Variants in HK2 observed in about 807,000 individuals in gnomAD.
HK2 encodes hexokinase 2.
In HK2, 42 loss-of-function variants were observed where a neutral mutation model predicts 92.9. That is an observed-to-expected ratio of 0.45 (90% CI 0.35 to 0.58). HK2 has a LOEUF of 0.58. HK2 is among the 20% of genes least tolerant of loss of function. The pLI is 0.00. For missense variants in HK2, 978 were observed against 1,245.1 expected (o/e 0.79, Z 3.23); for synonymous variants, 422 against 468.0 (o/e 0.90, Z 1.27).
intron 8 of HK2, 51 bp downstream of exon 8, chr2:74,877,372 C>T (rs767656546): frequency 3.6e-5 from 58 of 1,604,234 alleles, no homozygotes; most frequent in East Asian, 1.1e-4. Flanking sequence ...CACGAGTTGA[C>T]GGGTAGTTGG....
At chr2:74,839,164 A>G (rs141845531) in intron 1 of HK2, among the ~76,000 whole-genome samples, 320 of 152,300 alleles carry the variant, frequency 2.1e-3, no homozygotes, top group African/African-American at 7.1e-3. Flanking sequence ...AAGAACCTAC[A>G]GTGAGTGCAA....
At chr2:74,861,312 T>TG (rs1344717179) in intron 2 of HK2, among the ~76,000 whole-genome samples, 6 of 151,284 alleles carry the variant, frequency 4.0e-5, no homozygotes, top group Admixed American at 1.3e-4. Context: ...TCCCAGCTAC[T>TG]GGGGGGCTGA....
intron 4 of HK2, among the ~76,000 whole-genome samples, chr2:74,872,926 A>C (rs566046803): frequency 6.6e-6 from 1 of 152,334 alleles, no homozygotes; most frequent in East Asian, 1.9e-4. Flanking sequence ...CTAGGCCACA[A>C]ATCTGTATAG....
chr2:74,872,837 C>T (rs950463687), intron 4 of HK2, among the ~76,000 whole-genome samples: 4 of 152,152 alleles, frequency 2.6e-5, no homozygotes, highest in Non-Finnish European at 5.9e-5. Context: ...TATGTATAAA[C>T]ATCATAGAGT....
chr2:74,868,304 C>T (rs540165870), intron 3 of HK2, among the ~76,000 whole-genome samples: 3 of 152,140 alleles, frequency 2.0e-5, no homozygotes, highest in East Asian at 1.9e-4. Context: ...GAAGTTGTCA[C>T]GTGGCTCCAG....
intron 17 of HK2, among the ~76,000 whole-genome samples, chr2:74,889,679 A>G (rs527689206): frequency 6.6e-6 from 1 of 152,250 alleles, no homozygotes; most frequent in Admixed American, 6.5e-5. Context: ...GCCCCCTCCG[A>G]GCCCCTCCAC....
At chr2:74,866,069 A>G (rs1688940542) in intron 2 of HK2, among the ~76,000 whole-genome samples, 1 of 152,008 alleles carries the variant, frequency 6.6e-6, no homozygotes, top group African/African-American at 2.4e-5. Context: ...TCCGTGTGTC[A>G]CATCGCCTGA....
chr2:74,840,635 A>G (rs1240379986), intron 1 of HK2, among the ~76,000 whole-genome samples: 1 of 151,268 alleles, frequency 6.6e-6, no homozygotes, highest in Admixed American at 6.6e-5. Flanking sequence ...TGAGAGGCCA[A>G]GGCGGGCGGA....
In HK2 at chr2:74,890,910, C is replaced by T. The variant is rs1263899255; in HGVS notation, c.2723C>T (p.Ala908Val). The change falls in exon 18 of 18, where the codon GCC becomes GTC. Residue 908 changes from alanine (A) to valine (V), a missense_variant. By Grantham distance (64) the Ala-to-Val change is moderately conservative. This residue lies in a region of HK2 where 742 missense variants were observed against 922.5 expected (regional missense o/e 0.80). Transcript: ENST00000290573. ...GGGGCGGCGCTCATCACTGCTGTGG[C>T]CTGCCGCATCCGTGAGGCTGGACAG... ...GKGAALITAV[A>V]CRIREAGQR 6.2e-7 allele frequency: 1 copy of T among 1,614,218 alleles called. No homozygotes were observed. Among genetic ancestry groups the T allele is most frequent in the Admixed American group, 1.7e-5 (1 of 60,034 alleles).
At chr2:74,880,155 T>G (rs1558802888) in intron 9 of HK2, 110 bp from the exon 10 acceptor site, 1 of 1,173,262 alleles carries the variant, frequency 8.5e-7, no homozygotes, top group Middle Eastern at 2.1e-4. Flanking sequence ...CACCCACTCC[T>G]GCAGGTGCCT....
At position 74,877,338 on chromosome 2, in the gene HK2, C is replaced by G; in HGVS notation, c.1031+17C>G. 1 of 1,614,002 alleles carries G rather than the reference C, an allele frequency of 6.2e-7. No individual in the cohort carries two copies. The highest frequency in any genetic ancestry group is 8.5e-7 in the Non-Finnish European group (1 of 1,179,910). On this transcript the variant is annotated intron_variant, in intron 8 of 17. Coordinates refer to ENST00000290573, the MANE Select transcript of HK2 (RefSeq NM_000189.5). ...CATTGAAGGGTGAGCTTCTGGCCAG[C>G]CCCCTCTATTTGCTGGATCACCACA...
At position 74,885,518 on chromosome 2, in the gene HK2, G is replaced by A; in HGVS notation, c.1864G>A (p.Gly622Ser). 6.2e-7 allele frequency: 1 copy of A among 1,613,860 alleles called. No homozygotes were observed. The highest frequency in any genetic ancestry group is 2.2e-5 in the East Asian group (1 of 44,864). Residue 622 changes from glycine (G) to serine (S), a missense_variant, in exon 13 of 18, where the codon GGC becomes AGC. Gly to Ser is a moderately conservative substitution (Grantham distance 56). Coordinates refer to ENST00000290573, the MANE Select transcript of HK2 (RefSeq NM_000189.5). ...DESILLKWTKGFKASGCEGED... is the reference protein window; with the variant it reads ...DESILLKWTKSFKASGCEGED... ...GAGCATCCTCCTCAAGTGGACAAAA[G>A]GCTTCAAGGCATCTGGCTGCGAGGG...
In HK2 at chr2:74,890,955, G is replaced by A. The variant is rs759590095; in HGVS notation, c.*14G>A. On this transcript the variant is annotated 3_prime_UTR_variant, in exon 18 of 18. Coordinates refer to ENST00000290573, the MANE Select transcript of HK2 (RefSeq NM_000189.5). ...GGACAGCGATAGAACCCCTGAAATC[G>A]GAAGGGACTTCCTCTTTCTCTCCTT... 1.2e-5 allele frequency: 19 copies of A among 1,613,560 alleles called. No individual in the cohort carries two copies. The highest frequency in any genetic ancestry group is 6.7e-5 in the Admixed American group (4 of 59,968).
chr2:74,872,186 G>A (rs1689113534), intron 3 of HK2, 114 bp from the exon 4 acceptor site: 1 of 1,005,270 alleles, frequency 9.9e-7, no homozygotes, highest in African/African-American at 1.6e-5. Flanking sequence ...GATATCAGAG[G>A]AGATATGGGT....
intron 11 of HK2, 42 bp downstream of exon 11, chr2:74,881,901 G>C: frequency 1.2e-6 from 2 of 1,605,960 alleles, no homozygotes; most frequent in Non-Finnish European, 1.7e-6. Flanking sequence ...CCTGGTGGAC[G>C]TCACCTCTTG....
At chr2:74,849,828 C>T (rs76952743) in intron 1 of HK2, among the ~76,000 whole-genome samples, 3,045 of 152,260 alleles carry the variant, frequency 0.02, 110 homozygotes, top group African/African-American at 0.071. Context: ...CCTCTAATGT[C>T]GCACACCTGT....
At chr2:74,888,087 G>A (rs1364666631) in intron 16 of HK2, 29 bp downstream of exon 16, 2 of 1,612,752 alleles carry the variant, frequency 1.2e-6, no homozygotes, top group Middle Eastern at 1.7e-4. Flanking sequence ...GGGTAGCAGG[G>A]GGGCCATGTC....
chr2:74,883,631 A>G (rs1689453228), intron 12 of HK2, among the ~76,000 whole-genome samples: 1 of 152,240 alleles, frequency 6.6e-6, no homozygotes, highest in South Asian at 2.1e-4. Flanking sequence ...AGAATTCCCC[A>G]TGTGCACTAG....
intron 17 of HK2, 41 bp downstream of exon 17, chr2:74,889,519 T>C (rs374806185): frequency 6.9e-5 from 90 of 1,311,682 alleles, no homozygotes; most frequent in Non-Finnish European, 3.3e-6. Flanking sequence ...ACCTTCTTTC[T>C]GTCTTTGTTC....
Sources: gnomAD v4.1 joint callset for allele counts (sites outside exome capture counted in the v4.1 genomes callset) on GRCh38, gnomAD v4.1.1 for gene constraint, gnomAD v4.1.1 regional missense constraint, MANE v1.5 for transcripts, NCBI Gene and HGNC (gene_info 2026-07-23, HGNC 2026-07-21) for gene names.